Variants in COL25A1 observed in about 807,000 individuals in gnomAD.
The protein encoded by COL25A1 is collagen alpha-1(XXV) chain.
Under a neutral mutation model 128.4 loss-of-function variants are expected in COL25A1, and 103 were observed. That is an observed-to-expected ratio of 0.80 (90% CI 0.68 to 0.94). The LOEUF is 0.94. Ranked by LOEUF, COL25A1 falls within the 40% of genes least tolerant of loss-of-function variation. The probability of loss-of-function intolerance (pLI) is 0.00; values close to 1 mark genes in which losing one functional copy is unlikely to be tolerated. For synonymous variants in COL25A1, 279 were observed against 277.2 expected (o/e 1.01, Z -0.06); for missense variants, 745 against 840.0 (o/e 0.89, Z 1.40).
At chr4:109,124,542 AT>A (rs201989368) in intron 3 of COL25A1, among the ~76,000 whole-genome samples, 249 of 151,974 alleles carry the variant, frequency 1.6e-3, no homozygotes, top group African/African-American at 4.8e-3. Context: ...AAGAATTAAA[AT>A]TTTTTTTCCA....
chr4:108,969,112 A>G (rs1751638972), intron 8 of COL25A1, among the ~76,000 whole-genome samples: 2 of 152,122 alleles, frequency 1.3e-5, no homozygotes, highest in African/African-American at 4.8e-5. Flanking sequence ...ATGCTCCTCT[A>G]TCAGTGTCAG....
At chr4:109,239,942 G>A (rs2126230093) in intron 3 of COL25A1, among the ~76,000 whole-genome samples, 1 of 151,966 alleles carries the variant, frequency 6.6e-6, no homozygotes, top group Admixed American at 6.6e-5. Flanking sequence ...CTTTAGCCAA[G>A]GCCTACTCAG....
intron 3 of COL25A1, among the ~76,000 whole-genome samples, chr4:109,179,830 A>C (rs1774455966): frequency 6.6e-6 from 1 of 152,236 alleles, no homozygotes; most frequent in Non-Finnish European, 1.5e-5. Context: ...TTTAATCAAC[A>C]ATTAAAACTT....
At chr4:108,837,506 A>G (rs931416647) in intron 31 of COL25A1, among the ~76,000 whole-genome samples, 1 of 152,202 alleles carries the variant, frequency 6.6e-6, no homozygotes, top group African/African-American at 2.4e-5. Flanking sequence ...TAAAAATAAA[A>G]ATCTCTAAAC....
rs1730933761 is a variant in COL25A1 at position 108,813,124 on chromosome 4, A to C, written c.*803T>G. 6.6e-6 allele frequency: 1 copy of C among 152,216 alleles called. No individual in the cohort carries two copies. The highest frequency in any genetic ancestry group is 2.4e-5 in the African/African-American group (1 of 41,452). The allele number at this position is 152,216 out of a possible 1,614,324, so 9.4% of individuals were successfully genotyped here. On this transcript the variant is annotated 3_prime_UTR_variant, in exon 38 of 38. Coordinates refer to ENST00000399132, the MANE Select transcript of COL25A1 (RefSeq NM_198721.4). The stretch of plus-strand genomic sequence containing the variant: ...GAATCGGTCCTCTTCCCATGTCTTC[A>C]CTGCCAAGGGCAGCCCAAGGAAAAC...
At chr4:109,146,864 C>T (rs760886519) in intron 3 of COL25A1, among the ~76,000 whole-genome samples, 136 of 152,214 alleles carry the variant, frequency 8.9e-4, no homozygotes, top group Non-Finnish European at 1.6e-3. Flanking sequence ...AAGAATGTTG[C>T]ATCAGTGTGT....
At chr4:108,819,618 C>T (rs551331811) in intron 35 of COL25A1, among the ~76,000 whole-genome samples, 5 of 152,256 alleles carry the variant, frequency 3.3e-5, no homozygotes, top group African/African-American at 1.2e-4. Context: ...GGTTAAGAAA[C>T]CAGGCAGAGC....
Position 109,096,144 on chromosome 4 carries a change from A to G in COL25A1, c.368-45965T>C, listed in dbSNP as rs566108759. ...TTTAATGCATGTTTTCTTCATGCAT[A>G]GCAAAATAATGTATTGCCTGTAAAC... is the stretch of plus-strand genomic sequence containing the variant. On this transcript the variant is annotated intron_variant, in intron 3 of 37. Transcript: ENST00000399132. Among the ~76,000 whole-genome samples, 29 of 152,350 alleles carry G rather than the reference A, an allele frequency of 1.9e-4. No individual in the cohort carries two copies. In the South Asian group the frequency reaches 5.8e-3, roughly 30 times the overall value.
At chr4:109,222,180 C>A (rs1271917177) in intron 3 of COL25A1, among the ~76,000 whole-genome samples, 1 of 150,630 alleles carries the variant, frequency 6.6e-6, no homozygotes, top group Non-Finnish European at 1.5e-5. Flanking sequence ...TCTCCTGCCT[C>A]AGCCTCCAGA....
chr4:109,235,094 C>G (rs763038897), intron 3 of COL25A1, among the ~76,000 whole-genome samples: 1 of 152,094 alleles, frequency 6.6e-6, no homozygotes, highest in Non-Finnish European at 1.5e-5. Context: ...CCAAAAGCTC[C>G]ATCCCAGAGA....
At chr4:109,235,722 A>C (rs866232992) in intron 3 of COL25A1, among the ~76,000 whole-genome samples, 17 of 152,136 alleles carry the variant, frequency 1.1e-4, no homozygotes, top group Admixed American at 1.3e-4. Context: ...TAAAACAAAC[A>C]AACAGCAAGG....
intron 3 of COL25A1, among the ~76,000 whole-genome samples, chr4:109,093,070 T>G (rs190353453): frequency 1.4e-3 from 208 of 152,110 alleles, no homozygotes; most frequent in African/African-American, 4.9e-3. Context: ...TACTGAACAC[T>G]GGCCAGATTT....
chr4:109,009,117 G>A (rs369654261), intron 6 of COL25A1, among the ~76,000 whole-genome samples: 2 of 152,104 alleles, frequency 1.3e-5, no homozygotes, highest in South Asian at 2.1e-4. Flanking sequence ...GCAAGACTCC[G>A]TCTCAGAAAA....
chr4:109,270,250 T>C (rs1452523969), intron 3 of COL25A1, among the ~76,000 whole-genome samples: 5 of 151,886 alleles, frequency 3.3e-5, no homozygotes, highest in Non-Finnish European at 5.9e-5. Context: ...AAATAAAGGG[T>C]ATTCAATTAG....
At chr4:108,998,345 T>A (rs904529533) in intron 6 of COL25A1, among the ~76,000 whole-genome samples, 2 of 152,182 alleles carry the variant, frequency 1.3e-5, no homozygotes, top group African/African-American at 4.8e-5. Context: ...AGCCAAATCA[T>A]GAGTGAACTC....
chr4:109,238,088 A>AT (rs1411506013), intron 3 of COL25A1, among the ~76,000 whole-genome samples: 4 of 152,088 alleles, frequency 2.6e-5, no homozygotes, highest in Admixed American at 1.3e-4. Flanking sequence ...TTGCTTCTAC[A>AT]TTTTGGCTAT....
At chr4:108,842,179 G>C (rs964595738) in intron 30 of COL25A1, among the ~76,000 whole-genome samples, 1 of 152,152 alleles carries the variant, frequency 6.6e-6, no homozygotes, top group African/African-American at 2.4e-5. Flanking sequence ...GACCCAAGGT[G>C]TTGAAGAATC....
At chr4:109,023,111 T>G (rs1480908117) in intron 5 of COL25A1, among the ~76,000 whole-genome samples, 3 of 152,224 alleles carry the variant, frequency 2.0e-5, no homozygotes, top group Admixed American at 6.5e-5. Flanking sequence ...CCATTCAAGA[T>G]TCTTCTAATC....
In COL25A1 at chr4:108,974,521, G is replaced by A; in HGVS notation, c.465+12C>T. 1 of 1,610,216 alleles carries A rather than the reference G, an allele frequency of 6.2e-7. No homozygotes were observed. Among genetic ancestry groups the A allele is most frequent in the Non-Finnish European group, 8.5e-7 (1 of 1,178,206 alleles). On this transcript the variant is annotated intron_variant, in intron 7 of 37. Coordinates refer to ENST00000399132, the MANE Select transcript of COL25A1 (RefSeq NM_198721.4). ...TCTTCACTAACTTTATTTCTGGTATGCATTTTCTTACCTTATCGCCTTTTG... is the reference window on the plus strand; with the variant it reads ...TCTTCACTAACTTTATTTCTGGTATACATTTTCTTACCTTATCGCCTTTTG...
Sources: gnomAD v4.1 joint callset for allele counts (sites outside exome capture counted in the v4.1 genomes callset) on GRCh38, gnomAD v4.1.1 for gene constraint, MANE v1.5 for transcripts, NCBI Gene and HGNC (gene_info 2026-07-23, HGNC 2026-07-21) for gene names.